GRM1: variants seen among roughly 807,000 people sequenced by gnomAD.
GRM1 encodes metabotropic glutamate receptor 1.
In GRM1, 33 loss-of-function variants were observed where a neutral mutation model predicts 90.9. That is an observed-to-expected ratio of 0.36 (90% CI 0.28 to 0.49). GRM1 has a LOEUF of 0.49. Among genes scored for constraint, GRM1 ranks in the 20% least tolerant of loss-of-function variants. The probability of loss-of-function intolerance (pLI) is 0.99; values close to 1 mark genes in which losing one functional copy is unlikely to be tolerated. For synonymous variants in GRM1, 700 were observed against 613.2 expected, an observed-to-expected ratio of 1.14 and a Z score of -2.09; for missense variants, 1,190 against 1,534.3, an observed-to-expected ratio of 0.78 and a Z score of 3.75.
intron 2 of GRM1, among the ~76,000 whole-genome samples, chr6:146,172,818 A>C (rs766042357): frequency 6.6e-5 from 10 of 152,196 alleles, no homozygotes; most frequent in Non-Finnish European, 1.3e-4. Flanking sequence ...ATTTAATGGC[A>C]TTTGGATTTA....
At chr6:146,352,564 G>A in intron 4 of GRM1, 68 bp downstream of exon 4, 3 of 1,492,008 alleles carry the variant, frequency 2.0e-6, no homozygotes, top group Admixed American at 3.3e-5. Context: ...TGGCAACTGT[G>A]GCTTCATCTG....
intron 1 of GRM1, among the ~76,000 whole-genome samples, chr6:146,089,611 A>T (rs1776651959): frequency 6.6e-6 from 1 of 152,096 alleles, no homozygotes; most frequent in Admixed American, 6.5e-5. Flanking sequence ...ATATATCTTT[A>T]TATATTGATG....
intron 4 of GRM1, among the ~76,000 whole-genome samples, chr6:146,354,936 A>T (rs903396225): frequency 7.3e-5 from 11 of 151,662 alleles, no homozygotes; most frequent in South Asian, 2.1e-4. Flanking sequence ...GGGACTTTTT[A>T]AAAAAATGTG....
At chr6:146,213,002 T>C (rs957092082) in intron 2 of GRM1, among the ~76,000 whole-genome samples, 2 of 151,932 alleles carry the variant, frequency 1.3e-5, no homozygotes, top group Admixed American at 6.6e-5. Flanking sequence ...GAAACAGCCT[T>C]ACAGAGCTTA....
At chr6:146,058,897 T>C (rs1310617353) in intron 1 of GRM1, among the ~76,000 whole-genome samples, 1 of 152,156 alleles carries the variant, frequency 6.6e-6, no homozygotes, top group Non-Finnish European at 1.5e-5. Context: ...ATTGTATTAA[T>C]TCAATCACAT....
chr6:146,342,040 A>G (rs568661510), intron 3 of GRM1, among the ~76,000 whole-genome samples: 79 of 152,346 alleles, frequency 5.2e-4, no homozygotes, highest in Non-Finnish European at 8.5e-4. Flanking sequence ...AACAATGACT[A>G]TGTCAGAAGA....
intron 1 of GRM1, among the ~76,000 whole-genome samples, chr6:146,069,985 C>T (rs181293854): frequency 6.6e-6 from 1 of 152,106 alleles, no homozygotes; most frequent in Non-Finnish European, 1.5e-5. Context: ...AATCTCCACA[C>T]CTTTATCTCC....
intron 2 of GRM1, among the ~76,000 whole-genome samples, chr6:146,292,404 A>G (rs939752405): frequency 6.6e-6 from 1 of 151,990 alleles, no homozygotes; most frequent in African/African-American, 2.4e-5. Context: ...TTGAGGGCCT[A>G]GTATCAAGAA....
chr6:146,416,620 A>G, intron 7 of GRM1, among the ~76,000 whole-genome samples: 1 of 152,166 alleles, frequency 6.6e-6, no homozygotes. Context: ...ATATCTATGT[A>G]TCCCCATATG....
At chr6:146,030,500 T>G (rs565945403) in intron 1 of GRM1, among the ~76,000 whole-genome samples, 2 of 152,370 alleles carry the variant, frequency 1.3e-5, no homozygotes, top group African/African-American at 4.8e-5. Flanking sequence ...GAATACTTGT[T>G]TGCCCTCATA....
chr6:146,370,268 G>T (rs1775849171), intron 5 of GRM1, among the ~76,000 whole-genome samples: 2 of 151,848 alleles, frequency 1.3e-5, no homozygotes, highest in South Asian at 4.2e-4. Flanking sequence ...CTCTGTTTCT[G>T]CTCTGTACCC....
chr6:146,330,539 C>T (rs1463118546), intron 3 of GRM1, among the ~76,000 whole-genome samples: 3 of 151,936 alleles, frequency 2.0e-5, no homozygotes, highest in Non-Finnish European at 4.4e-5. Context: ...TCTAAATTTT[C>T]AATTTTATAT....
chr6:146,433,892 C>T lies in GRM1; in HGVS notation c.2681C>T (p.Ser894Leu). ...CATAGTTCTAATGGCAAGTCTGTGT[C>T]ATGGTCTGAACCAGGTGGAGGACAG... Reference protein sequence around the residue: ...GNANSNGKSVSWSEPGGGQVP... With the variant: ...GNANSNGKSVLWSEPGGGQVP... Residue 894 changes from serine (S) to leucine (L), a missense_variant, in exon 8 of 8, where the codon TCA becomes TTA. Physicochemically the swap from Ser to Leu is moderately radical, Grantham distance 145 (BLOSUM62 -2). Around this residue, in one of 10 missense-constraint regions of GRM1, gnomAD observed 400 missense variants for 360.8 expected, o/e 1.11. Coordinates refer to ENST00000282753, the MANE Select transcript of GRM1 (RefSeq NM_001278064.2). The T allele has an allele frequency of 6.2e-7, 1 of 1,612,380 alleles. No individual in the cohort carries two copies. Among genetic ancestry groups the T allele is most frequent in the Non-Finnish European group, 8.5e-7 (1 of 1,178,408 alleles).
intron 2 of GRM1, among the ~76,000 whole-genome samples, chr6:146,266,818 TC>T (rs1781906217): frequency 6.6e-6 from 1 of 152,220 alleles, no homozygotes; most frequent in South Asian, 2.1e-4. Context: ...CCATTCAAGG[TC>T]CCTGTTGAAT....
At chr6:146,180,902 G>A (rs1050899357) in intron 2 of GRM1, among the ~76,000 whole-genome samples, 6 of 152,180 alleles carry the variant, frequency 3.9e-5, no homozygotes, top group Admixed American at 2.6e-4. Flanking sequence ...TTTTAAAAGC[G>A]GACCTTTCTG....
chr6:146,292,493 A>G (rs956303293), intron 2 of GRM1, among the ~76,000 whole-genome samples: 9 of 152,012 alleles, frequency 5.9e-5, no homozygotes, highest in East Asian at 1.9e-4. Flanking sequence ...AAGAAAACAT[A>G]CAAGTGACCA....
At chr6:146,429,313 T>A (rs1778322228) in intron 7 of GRM1, among the ~76,000 whole-genome samples, 1 of 152,188 alleles carries the variant, frequency 6.6e-6, no homozygotes, top group South Asian at 2.1e-4. Flanking sequence ...CAGCTAGTGG[T>A]GAGTCAAAAA....
rs546764416 is a variant in GRM1, at chr6:146,073,885, C to G, written c.700+43668C>G. ...AAAAGTAACTGGCCACGAATGTAATCAGGTAAACGTAGAGATGTCCATATG... is the reference window on the plus strand; with the variant it reads ...AAAAGTAACTGGCCACGAATGTAATGAGGTAAACGTAGAGATGTCCATATG... On this transcript the variant is annotated intron_variant, in intron 1 of 7. Coordinates refer to ENST00000282753, the MANE Select transcript of GRM1 (RefSeq NM_001278064.2). Among the ~76,000 whole-genome samples the G allele has an allele frequency of 2.4e-4, 36 of 152,136 alleles. No homozygotes were observed. The South Asian group carries it at 6.9e-3, about 29-fold the overall frequency.
At chr6:146,060,111 G>T (rs1775612220) in intron 1 of GRM1, among the ~76,000 whole-genome samples, 1 of 152,056 alleles carries the variant, frequency 6.6e-6, no homozygotes, top group Admixed American at 6.6e-5. Context: ...AAGGGGTCTA[G>T]CTTTTCACTT....
Sources: allele counts gnomAD v4.1 joint callset (sites outside exome capture counted in the v4.1 genomes callset), GRCh38; gene constraint gnomAD v4.1.1; regional missense constraint gnomAD v4.1.1; transcripts MANE v1.5; gene names NCBI Gene and HGNC (gene_info 2026-07-23, HGNC 2026-07-21).